Variants in CEP112 observed in about 807,000 individuals in gnomAD.
CEP112 encodes centrosomal protein 112.
A neutral mutation model predicts 153.0 loss-of-function variants in CEP112; 127 were observed. The observed-to-expected ratio is 0.83, with a 90% CI of 0.72 to 0.96. The LOEUF (loss-of-function observed/expected upper bound fraction) is 0.96, where lower values mean the gene tolerates loss of function less well. Ranked by LOEUF, CEP112 falls within the 40% of genes least tolerant of loss-of-function variation. The pLI is 0.00. For synonymous variants in CEP112, 358 were observed against 374.4 expected, an observed-to-expected ratio of 0.96 and a Z score of 0.51; for missense variants, 1,089 against 1,101.2, an observed-to-expected ratio of 0.99 and a Z score of 0.16.
intron 21 of CEP112, among the ~76,000 whole-genome samples, chr17:65,836,572 GATAAT>G (rs1447145161): frequency 3.3e-5 from 5 of 151,990 alleles, no homozygotes; most frequent in Admixed American, 2.6e-4. Context: ...AATACAGAAA[GATAAT>G]ATAATAATTG....
chr17:65,655,385 CAGT>C (rs1567817658), intron 24 of CEP112: 1 of 1,540,106 alleles, frequency 6.5e-7, no homozygotes, highest in African/African-American at 1.4e-5. Context: ...AGCTCAACTC[CAGT>C]AAAGAACTAA....
intron 21 of CEP112, among the ~76,000 whole-genome samples, chr17:65,802,503 A>C (rs752621225): frequency 2.2e-4 from 34 of 152,188 alleles, no homozygotes; most frequent in Non-Finnish European, 4.4e-4. Flanking sequence ...CTAGCTCAAC[A>C]GGTCTTAAAC....
In CEP112 at chr17:65,800,223, T is replaced by A. The variant is rs76556013; in HGVS notation, c.2395-49499A>T. On this transcript the variant is annotated intron_variant, in intron 21 of 26. Transcript: ENST00000535342. ...TGTACAACCATCACCACAATCTGAT[T>A]CTGATTTTTTTTTTCACTACCCAAA... Among the ~76,000 whole-genome samples the A allele has an allele frequency of 8.3e-3, 1,260 of 152,274 alleles. 14 individuals are homozygous for A. Among genetic ancestry groups the A allele is most frequent in the South Asian group, 0.02 (96 of 4,822 alleles).
intron 18 of CEP112, among the ~76,000 whole-genome samples, chr17:65,946,819 A>G (rs1166333835): frequency 6.6e-6 from 1 of 152,168 alleles, no homozygotes; most frequent in African/African-American, 2.4e-5. Context: ...TCAAATCCAT[A>G]CACATGATAT....
chr17:65,866,398 C>A (rs1388487322), intron 20 of CEP112, among the ~76,000 whole-genome samples: 1 of 152,256 alleles, frequency 6.6e-6, no homozygotes, highest in Non-Finnish European at 1.5e-5. Flanking sequence ...TGGCCTGCGC[C>A]CCTTGGCACA....
rs899659967 is a variant in CEP112 at position 66,045,012 on chromosome 17, G to T, written c.1218+8724C>A. On this transcript the variant is annotated intron_variant, in intron 12 of 26. Transcript: ENST00000535342. Reference sequence around the variant, plus strand: ...TGGCTATTTTAAAAGGCCAAGAAATGTAAGAGCCAAAAGGGAAATGGAAAT... The same window carrying T: ...TGGCTATTTTAAAAGGCCAAGAAATTTAAGAGCCAAAAGGGAAATGGAAAT... Among the ~76,000 whole-genome samples, 3 of 151,700 alleles carry T rather than the reference G, an allele frequency of 2.0e-5. No homozygotes were observed. The East Asian group carries it at 5.8e-4, about 29-fold the overall frequency.
intron 12 of CEP112, among the ~76,000 whole-genome samples, chr17:66,047,976 C>T (rs1443303): frequency 0.98 from 149,358 of 152,302 alleles, 73,301 homozygotes; most frequent in East Asian, 1. Flanking sequence ...CCTATACACC[C>T]CCTGCTGTAT....
In CEP112 at chr17:65,689,878, A is replaced by G. The variant is rs80223228; in HGVS notation, c.2608-660T>C. Among the ~76,000 whole-genome samples the G allele has an allele frequency of 2.6e-5, 4 of 152,286 alleles. No individual in the cohort carries two copies. In the East Asian group the frequency reaches 7.7e-4, roughly 29 times the overall value. The stretch of plus-strand genomic sequence containing the variant: ...AAGTAAAGAGATGAACTAGAAAAAG[A>G]ACTTGTAGTTTCCATGTGCTATTTC... On this transcript the variant is annotated intron_variant, in intron 23 of 26. Transcript: ENST00000535342.
At position 66,147,533 on chromosome 17, in the gene CEP112, CT is replaced by C. The variant is rs984469519; in HGVS notation, c.471-14771del. Among the ~76,000 whole-genome samples, 23 of 151,334 alleles carry C rather than the reference CT, an allele frequency of 1.5e-4. No individual in the cohort carries two copies. The East Asian group carries it at 1.5e-3, about 10-fold the overall frequency. ...TTAATTTTGATGTAGTTCAATGTAT[CT>C]TTTTTTTTATTTGTCTGTATATTTG... On this transcript the variant is annotated intron_variant, in intron 4 of 26. Transcript: ENST00000535342.
intron 24 of CEP112, among the ~76,000 whole-genome samples, chr17:65,668,545 G>C (rs1400830877): frequency 6.6e-6 from 1 of 152,166 alleles, no homozygotes; most frequent in Non-Finnish European, 1.5e-5. Context: ...CGCGAGGGCA[G>C]AGAAAACTCT....
chr17:65,703,814 CA>C (rs5821580), intron 23 of CEP112, among the ~76,000 whole-genome samples: 92,518 of 143,896 alleles, frequency 0.64, 31,274 homozygotes, highest in African/African-American at 0.89. Context: ...TTAAAATGTA[CA>C]AAAAAAAAAA....
intron 19 of CEP112, among the ~76,000 whole-genome samples, chr17:65,907,527 C>A (rs1395908884): frequency 6.6e-6 from 1 of 152,088 alleles, no homozygotes; most frequent in East Asian, 1.9e-4. Flanking sequence ...AATGCAATAG[C>A]TCAGGCTTGT....
chr17:65,759,031 C>T (rs2052451638), intron 21 of CEP112, among the ~76,000 whole-genome samples: 4 of 152,138 alleles, frequency 2.6e-5, no homozygotes, highest in Admixed American at 2.6e-4. Context: ...GCTGATAAAA[C>T]AAGTTGCAGT....
chr17:66,053,754 C>A lies in CEP112; in HGVS notation c.1200G>T (p.Met400Ile). ...GACTCACTGTGGACTGTGTTTGCGCCATGTATTCACTCTCCATTTTATTCA... is the reference window on the plus strand; with the variant it reads ...GACTCACTGTGGACTGTGTTTGCGCAATGTATTCACTCTCCATTTTATTCA... ...VRLNKMESEYMAQTQSTNHMI... is the reference protein window; with the variant it reads ...VRLNKMESEYIAQTQSTNHMI... Residue 400 changes from methionine to isoleucine, a missense_variant, in exon 12 of 27, where the codon ATG (methionine) becomes ATT (isoleucine). Transcript: ENST00000535342. The A allele has an allele frequency of 6.2e-7, 1 of 1,612,672 alleles. No homozygotes were observed. The highest frequency in any genetic ancestry group is 8.5e-7 in the Non-Finnish European group (1 of 1,179,262).
At chr17:66,154,084 C>T (rs540968920) in intron 4 of CEP112, among the ~76,000 whole-genome samples, 1 of 151,794 alleles carries the variant, frequency 6.6e-6, no homozygotes, top group Non-Finnish European at 1.5e-5. Flanking sequence ...GAGGCTGAGG[C>T]AGGAGAATCT....
intron 21 of CEP112, among the ~76,000 whole-genome samples, chr17:65,830,792 G>A (rs1286425236): frequency 6.6e-6 from 1 of 152,196 alleles, no homozygotes; most frequent in African/African-American, 2.4e-5. Context: ...AGGAAACAAT[G>A]GCAGGTCAGC....
intron 19 of CEP112, among the ~76,000 whole-genome samples, chr17:65,924,032 A>G (rs932140501): frequency 3.3e-5 from 5 of 152,106 alleles, no homozygotes; most frequent in Admixed American, 3.3e-4. Context: ...GCTGGAGTGC[A>G]GTGGTGCGAT....
intron 16 of CEP112, among the ~76,000 whole-genome samples, chr17:66,026,838 G>GT (rs1365602767): frequency 1.3e-5 from 2 of 152,122 alleles, no homozygotes; most frequent in African/African-American, 4.8e-5. Context: ...GCAAATCCAA[G>GT]TTATAGTTTT....
intron 19 of CEP112, among the ~76,000 whole-genome samples, chr17:65,903,868 G>C (rs1381067755): frequency 6.6e-6 from 1 of 152,042 alleles, no homozygotes; most frequent in East Asian, 1.9e-4. Flanking sequence ...AAAAACACAT[G>C]ATTAACTCAA....
Sources: allele counts gnomAD v4.1 joint callset (sites outside exome capture counted in the v4.1 genomes callset), GRCh38; gene constraint gnomAD v4.1.1; transcripts MANE v1.5; gene names NCBI Gene and HGNC (gene_info 2026-07-23, HGNC 2026-07-21).